Variants in TMCC3 observed in about 807,000 individuals in gnomAD.
TMCC3 encodes transmembrane and coiled-coil domain family 3.
In TMCC3, 28 loss-of-function variants were observed where a neutral mutation model predicts 40.2. That is an observed-to-expected ratio of 0.70 (90% confidence interval 0.52 to 0.95). The LOEUF (loss-of-function observed/expected upper bound fraction) is 0.95. Among genes scored for constraint, TMCC3 ranks in the 40% least tolerant of loss-of-function variants. The probability of loss-of-function intolerance (pLI) is 0.00; values close to 1 mark genes in which losing one functional copy is unlikely to be tolerated. For missense variants in TMCC3, 554 were observed against 615.2 expected (o/e 0.90, Z 1.05); for synonymous variants, 255 against 248.5 (o/e 1.03, Z -0.25).
intron 1 of TMCC3, among the ~76,000 whole-genome samples, chr12:94,585,540 C>CA (rs1432618045): frequency 6.6e-6 from 1 of 151,854 alleles, no homozygotes; most frequent in Non-Finnish European, 1.5e-5. Context: ...ACTAAAAATA[C>CA]AAAAAAATTA....
chr12:94,641,069 A>G (rs1467291987), intron 1 of TMCC3, among the ~76,000 whole-genome samples: 1 of 152,060 alleles, frequency 6.6e-6, no homozygotes, highest in Non-Finnish European at 1.5e-5. Flanking sequence ...ACATGATGGT[A>G]TGTGCCTGTA....
At chr12:94,624,534 G>A (rs2068892340) in intron 1 of TMCC3, among the ~76,000 whole-genome samples, 1 of 151,722 alleles carries the variant, frequency 6.6e-6, no homozygotes, top group African/African-American at 2.4e-5. Flanking sequence ...GAAACATGGT[G>A]AAAACCCGTC....
rs2625917 is a variant in TMCC3, at chr12:94,572,990, T to C, written c.1132-1253A>G. Among the ~76,000 whole-genome samples the C allele has an allele frequency of 1.5e-3, 226 of 152,320 alleles. 1 individual carries two copies. Among genetic ancestry groups the C allele is most frequent in the Non-Finnish European group, 2.8e-3 (188 of 68,032 alleles). ...TACAAGTGTATCTCTAGGCCAGTTC[T>C]TCTTCTGAGATTGACTCACAGATCT... On this transcript the variant is annotated intron_variant, in intron 3 of 3. Coordinates refer to ENST00000261226, the MANE Select transcript of TMCC3 (RefSeq NM_020698.4).
At chr12:94,621,336 G>A (rs1400959627) in intron 1 of TMCC3, among the ~76,000 whole-genome samples, 1 of 152,208 alleles carries the variant, frequency 6.6e-6, no homozygotes, top group East Asian at 1.9e-4. Flanking sequence ...CCAGTATGTG[G>A]AAGAGCCTTT....
chr12:94,624,339 T>C (rs181027913), intron 1 of TMCC3, among the ~76,000 whole-genome samples: 2 of 152,342 alleles, frequency 1.3e-5, no homozygotes, highest in African/African-American at 2.4e-5. Context: ...GAAGTGTTCA[T>C]AGCAACATTA....
chr12:94,620,488 A>G lies in TMCC3; in HGVS notation c.78+29865T>C, dbSNP rs760004642. Among the ~76,000 whole-genome samples the G allele has an allele frequency of 2.0e-3, 306 of 151,920 alleles. 4 individuals are homozygous for G. Among genetic ancestry groups the G allele is most frequent in the Middle Eastern group, 3.4e-3 (1 of 294 alleles). ...TTTTTAGTAGAGACAGGGTTTCACC[A>G]TGTTGGCCAGGCTAGTCTTGAACTC... is the stretch of plus-strand genomic sequence containing the variant. On this transcript the variant is annotated intron_variant, in intron 1 of 3. Transcript: ENST00000261226.
At chr12:94,590,759 C>G (rs942408305) in intron 1 of TMCC3, 2 of 412,426 alleles carry the variant, frequency 4.8e-6, no homozygotes, top group Non-Finnish European at 9.5e-6. Flanking sequence ...CCTCACGCTT[C>G]CGGAGACTGG....
In TMCC3 at chr12:94,632,867, G is replaced by A. The variant is rs2068940682; in HGVS notation, c.78+17486C>T. Among the ~76,000 whole-genome samples the A allele has an allele frequency of 2.0e-5, 3 of 152,268 alleles. No individual in the cohort carries two copies. The East Asian group carries it at 5.8e-4, about 29-fold the overall frequency. Reference sequence around the variant, plus strand: ...TGGGCATGGTGTTCCAACACTTTGGGAAGCCGAGGCAGGCAGATCACTTGA... The same window carrying A: ...TGGGCATGGTGTTCCAACACTTTGGAAAGCCGAGGCAGGCAGATCACTTGA... On this transcript the variant is annotated intron_variant, in intron 1 of 3. Coordinates refer to ENST00000261226, the MANE Select transcript of TMCC3 (RefSeq NM_020698.4).
intron 1 of TMCC3, among the ~76,000 whole-genome samples, chr12:94,627,596 A>G (rs1285632277): frequency 6.6e-6 from 1 of 152,108 alleles, no homozygotes; most frequent in Non-Finnish European, 1.5e-5. Flanking sequence ...CTGTGCCTCA[A>G]ACACAACAGG....
At chr12:94,625,171 C>A (rs1405540983) in intron 1 of TMCC3, among the ~76,000 whole-genome samples, 2 of 147,628 alleles carry the variant, frequency 1.4e-5, no homozygotes, top group African/African-American at 2.5e-5. Context: ...TTTTTTTTTA[C>A]AGAGGTTTGA....
chr12:94,623,173 A>G (rs1230528231), intron 1 of TMCC3, among the ~76,000 whole-genome samples: 9 of 152,140 alleles, frequency 5.9e-5, no homozygotes, highest in Non-Finnish European at 8.8e-5. Flanking sequence ...AAGAAAAGAT[A>G]TTCTAAACAA....
At chr12:94,605,713 T>C (rs920929468) in intron 1 of TMCC3, among the ~76,000 whole-genome samples, 10 of 152,206 alleles carry the variant, frequency 6.6e-5, no homozygotes, top group Admixed American at 2.0e-4. Context: ...CATCGGGGGC[T>C]AGATAAAGAA....
At chr12:94,643,060 C>T (rs1161399635) in intron 1 of TMCC3, among the ~76,000 whole-genome samples, 2 of 151,980 alleles carry the variant, frequency 1.3e-5, no homozygotes, top group South Asian at 4.1e-4. Flanking sequence ...GGAGTGGTGG[C>T]GTGCACCTGT....
intron 1 of TMCC3, among the ~76,000 whole-genome samples, chr12:94,621,817 T>C (rs1021062339): frequency 1.3e-5 from 2 of 152,080 alleles, no homozygotes; most frequent in Non-Finnish European, 2.9e-5. Flanking sequence ...ATCTGTGCAG[T>C]TTCTGATTCA....
chr12:94,572,622 ATTTT>A (rs2068539444), intron 3 of TMCC3, among the ~76,000 whole-genome samples: 1 of 152,072 alleles, frequency 6.6e-6, no homozygotes, highest in Non-Finnish European at 1.5e-5. Flanking sequence ...GACTTTACCT[ATTTT>A]TGAAATAAAG....
At chr12:94,584,865 G>A (rs1157447560) in intron 1 of TMCC3, among the ~76,000 whole-genome samples, 1 of 151,894 alleles carries the variant, frequency 6.6e-6, no homozygotes, top group Non-Finnish European at 1.5e-5. Context: ...AAGAGGGAAG[G>A]ATGGGGATAG....
intron 1 of TMCC3, among the ~76,000 whole-genome samples, chr12:94,608,676 CCTGTACTCT>C (rs1325585390): frequency 6.6e-6 from 1 of 152,164 alleles, no homozygotes; most frequent in Non-Finnish European, 1.5e-5. Flanking sequence ...CTGTCCAGAT[CCTGTACTCT>C]CAGCCTCTTA....
chr12:94,594,351 C>T (rs1310498391), intron 1 of TMCC3, among the ~76,000 whole-genome samples: 1 of 152,010 alleles, frequency 6.6e-6, no homozygotes, highest in African/African-American at 2.4e-5. Flanking sequence ...CCCTAACCTC[C>T]CAAAGTGTTG....
Position 94,582,338 on chromosome 12 carries a change from A to G in TMCC3, c.279T>C (p.Val93=). The change falls in exon 2 of 4, where the codon GTT becomes GTC. Residue 93 remains valine, a synonymous_variant. Transcript: ENST00000261226. Reference sequence around the variant, plus strand: ...TGTTCACTAGTTTCAGATACTCCGCAACATTCCCATCGCGCGATGTTTGCT... The same window carrying G: ...TGTTCACTAGTTTCAGATACTCCGCGACATTCCCATCGCGCGATGTTTGCT... ...KIEQTSRDGN[V]AEYLKLVNNA... is the part of the protein sequence containing the mutation. The G allele has an allele frequency of 6.2e-7, 1 of 1,613,946 alleles. No homozygotes were observed. Among genetic ancestry groups the G allele is most frequent in the Non-Finnish European group, 8.5e-7 (1 of 1,180,000 alleles).
Sources: allele counts gnomAD v4.1 joint callset (sites outside exome capture counted in the v4.1 genomes callset), GRCh38; gene constraint gnomAD v4.1.1; transcripts MANE v1.5; gene names NCBI Gene and HGNC (gene_info 2026-07-23, HGNC 2026-07-21).